Variants in VTI1A observed in about 807,000 individuals in gnomAD.
The protein encoded by VTI1A is vesicle transport through interaction with t-SNAREs 1A.
A neutral mutation model predicts 34.9 loss-of-function variants in VTI1A; 22 were observed. The observed-to-expected ratio is 0.63, with a 90% CI of 0.45 to 0.90. The LOEUF is 0.90. VTI1A is among the 40% of genes least tolerant of loss of function. VTI1A has a pLI of 0.00. For synonymous variants in VTI1A, 87 were observed against 97.3 expected (o/e 0.89, Z 0.62); for missense variants, 268 against 275.6 (o/e 0.97, Z 0.20).
At chr10:112,694,109 GGCAGAAGAATC>G in intron 7 of VTI1A, among the ~76,000 whole-genome samples, 1 of 152,278 alleles carries the variant, frequency 6.6e-6, no homozygotes, top group Admixed American at 6.5e-5. Context: ...GGGAGGCTGA[GGCAGAAGAATC>G]GCTTGAACCC....
chr10:112,506,469 G>A (rs906128064), intron 3 of VTI1A, among the ~76,000 whole-genome samples: 1 of 152,090 alleles, frequency 6.6e-6, no homozygotes, highest in East Asian at 1.9e-4. Flanking sequence ...TTTTTTAGTG[G>A]TTCCTGTGGA....
At chr10:112,736,609 A>G in intron 7 of VTI1A, 1 of 1,486,234 alleles carries the variant, frequency 6.7e-7, no homozygotes, top group Non-Finnish European at 9.0e-7. Context: ...CTGATAAGAA[A>G]CCAAAGCCTG....
At chr10:112,628,185 C>T (rs1378724984) in intron 5 of VTI1A, among the ~76,000 whole-genome samples, 22 of 152,104 alleles carry the variant, frequency 1.4e-4, no homozygotes, top group Admixed American at 1.4e-3. Context: ...GCTTAGTATT[C>T]CATAATGTGT....
chr10:112,553,032 T>C (rs147087237), intron 5 of VTI1A, among the ~76,000 whole-genome samples: 52 of 152,344 alleles, frequency 3.4e-4, no homozygotes, highest in Middle Eastern at 6.8e-3. Context: ...CAAATTCAAA[T>C]GAACTAATCG....
In VTI1A at chr10:112,538,422, G is replaced by A. The variant is rs1850735247; in HGVS notation, c.427+92G>A. 6 of 1,176,344 alleles carry A rather than the reference G, an allele frequency of 5.1e-6. No homozygotes were observed. The South Asian group carries it at 6.3e-5, about 12-fold the overall frequency. 72.9% of individuals were successfully genotyped at this position (1,176,344 alleles called of 1,614,324 possible). A position where few individuals can be genotyped will look rare whatever the true frequency, so the allele number is the denominator to read the frequency against. ...TCAGGGAAACTTCAAAGGAGTAGCA[G>A]AGACAGCAGCCCGAGATGTGGTTTA... is the stretch of plus-strand genomic sequence containing the variant. On this transcript the variant is annotated intron_variant, in intron 5 of 7. Transcript: ENST00000393077.
At chr10:112,737,053 AT>A (rs1344878844) in intron 7 of VTI1A, 10 of 417,980 alleles carry the variant, frequency 2.4e-5, no homozygotes, top group East Asian at 7.1e-5. Context: ...ATAGTGGACA[AT>A]TTTTTTTCTT....
chr10:112,496,099 T>A (rs1849005232), intron 3 of VTI1A, among the ~76,000 whole-genome samples: 1 of 147,046 alleles, frequency 6.8e-6, no homozygotes. Flanking sequence ...GGCTCACGCC[T>A]GTAATCCCAG....
At chr10:112,666,780 G>A (rs931255285) in intron 5 of VTI1A, among the ~76,000 whole-genome samples, 1 of 152,128 alleles carries the variant, frequency 6.6e-6, no homozygotes, top group African/African-American at 2.4e-5. Context: ...CAAAATCATA[G>A]TAGTCCAGTG....
chr10:112,557,877 G>C lies in VTI1A; in HGVS notation c.427+19547G>C, dbSNP rs141835125. ...CCACCATGTAGATGAAGAAGCACCTGGTGTTTTAATAACTTTATTTACACC... is the reference window on the plus strand; with the variant it reads ...CCACCATGTAGATGAAGAAGCACCTCGTGTTTTAATAACTTTATTTACACC... On this transcript the variant is annotated intron_variant, in intron 5 of 7. Transcript: ENST00000393077. Among the ~76,000 whole-genome samples the C allele has an allele frequency of 4.4e-3, 677 of 152,180 alleles. 9 individuals carry two copies. Among genetic ancestry groups the C allele is most frequent in the African/African-American group, 0.016 (656 of 41,496 alleles).
rs1269787551 is a variant in VTI1A at position 112,767,357 on chromosome 10, C to T, written c.561-47933C>T. On this transcript the variant is annotated intron_variant, in intron 7 of 7. Coordinates refer to ENST00000393077, the MANE Select transcript of VTI1A (RefSeq NM_145206.4). This position sits in a 1 kb window ranked among gnomAD's most constrained non-coding sequence, Gnocchi z 4.0. Reference sequence around the variant, plus strand: ...AGCTGGTCTGACCTCAGAGCCCATACTCTTAATCATTTGTTTATTTTGCTT... The same window carrying T: ...AGCTGGTCTGACCTCAGAGCCCATATTCTTAATCATTTGTTTATTTTGCTT... 6.6e-6 allele frequency among the ~76,000 whole-genome samples: 1 copy of T among 152,248 alleles called. No homozygotes were observed. The highest frequency in any genetic ancestry group is 1.5e-5 in the Non-Finnish European group (1 of 68,052).
At chr10:112,762,818 G>T (rs1210196665) in intron 7 of VTI1A, among the ~76,000 whole-genome samples, 2 of 152,080 alleles carry the variant, frequency 1.3e-5, no homozygotes, top group African/African-American at 4.8e-5. Flanking sequence ...TCCGTGCTGG[G>T]CCTGGACAGC....
At chr10:112,597,601 C>T (rs1396415316) in intron 5 of VTI1A, among the ~76,000 whole-genome samples, 3 of 101,132 alleles carry the variant, frequency 3.0e-5, no homozygotes, top group Non-Finnish European at 6.7e-5. Flanking sequence ...TAGCTATGGC[C>T]GAGCCCAAGA....
the VTI1A span, among the ~76,000 whole-genome samples, chr10:112,836,941 C>T: frequency 6.6e-6 from 1 of 152,318 alleles, no homozygotes; most frequent in East Asian, 1.9e-4. Context: ...TTGACTCCAT[C>T]TTCTATCCCT....
intron 7 of VTI1A, 22 bp from the exon 8 acceptor site, chr10:112,815,268 T>C: frequency 6.2e-7 from 1 of 1,608,524 alleles, no homozygotes; most frequent in Non-Finnish European, 8.5e-7. Context: ...GTGTGTGTTT[T>C]TTCTCCTTTG....
At chr10:112,605,482 G>A (rs143666959) in intron 5 of VTI1A, among the ~76,000 whole-genome samples, 5 of 152,262 alleles carry the variant, frequency 3.3e-5, no homozygotes, top group East Asian at 1.9e-4. Flanking sequence ...GCTTCTGAGC[G>A]TGTGCTGCTT....
At chr10:112,601,675 C>A (rs1042035399) in intron 5 of VTI1A, among the ~76,000 whole-genome samples, 5 of 152,110 alleles carry the variant, frequency 3.3e-5, no homozygotes, top group African/African-American at 1.2e-4. Context: ...ACGAATTCAT[C>A]TCATTCCATC....
intron 7 of VTI1A, among the ~76,000 whole-genome samples, chr10:112,718,863 GTTA>G: frequency 1.3e-5 from 2 of 152,180 alleles, no homozygotes; most frequent in Non-Finnish European, 2.9e-5. Flanking sequence ...TTTTATGCAG[GTTA>G]TTGTTATTTA....
chr10:112,504,746 G>A (rs1564804289), intron 3 of VTI1A, among the ~76,000 whole-genome samples: 2 of 152,016 alleles, frequency 1.3e-5, no homozygotes, highest in African/African-American at 2.4e-5. Flanking sequence ...ACATGACCCC[G>A]GCATTGCATG....
At chr10:112,481,344 C>G (rs987637242) in intron 3 of VTI1A, among the ~76,000 whole-genome samples, 1 of 152,122 alleles carries the variant, frequency 6.6e-6, no homozygotes, top group African/African-American at 2.4e-5. Flanking sequence ...AAAATGAGTA[C>G]TTTAAATTTT....
Sources: gnomAD v4.1 joint callset for allele counts (sites outside exome capture counted in the v4.1 genomes callset) on GRCh38, gnomAD v4.1.1 for gene constraint, Gnocchi (gnomAD v3.1) non-coding constraint, MANE v1.5 for transcripts, NCBI Gene and HGNC (gene_info 2026-07-23, HGNC 2026-07-21) for gene names.